The following ATAD2B variants were observed in gnomAD, a reference collection of about 807,000 sequenced individuals.
ATAD2B encodes the protein ATPase family AAA domain containing 2B.
Under a neutral mutation model 167.6 loss-of-function variants are expected in ATAD2B, and 40 were observed. That is an observed-to-expected ratio of 0.24 (90% confidence interval 0.19 to 0.31). The LOEUF (loss-of-function observed/expected upper bound fraction) is 0.31, where lower values mean the gene tolerates loss of function less well. Among genes scored for constraint, ATAD2B ranks in the 10% least tolerant of loss-of-function variants. The probability of loss-of-function intolerance (pLI) is 1.00; values close to 1 mark genes in which losing one functional copy is unlikely to be tolerated. For missense variants in ATAD2B, 1,242 were observed against 1,757.2 expected (o/e 0.71, Z 5.24); for synonymous variants, 579 against 596.5 (o/e 0.97, Z 0.43).
the ATAD2B span, among the ~76,000 whole-genome samples, chr2:23,688,008 C>G: frequency 6.6e-6 from 1 of 152,138 alleles, no homozygotes; most frequent in Non-Finnish European, 1.5e-5. Context: ...AGAAGGGTCC[C>G]GGCAAAGTCC....
At chr2:23,739,646 A>G in the ATAD2B span, among the ~76,000 whole-genome samples, 6 of 152,120 alleles carry the variant, frequency 3.9e-5, no homozygotes, top group Non-Finnish European at 8.8e-5. Context: ...AAGAACTAGA[A>G]AAGCGAGAGC....
the ATAD2B span, chr2:23,691,175 G>A: frequency 6.2e-6 from 1 of 160,726 alleles, no homozygotes; most frequent in Non-Finnish European, 1.4e-5. Context: ...GGGTTCTGGG[G>A]CAACTTGGGG....
At chr2:23,858,926 T>C (rs1380012658) in intron 12 of ATAD2B, among the ~76,000 whole-genome samples, 1 of 152,196 alleles carries the variant, frequency 6.6e-6, no homozygotes, top group Non-Finnish European at 1.5e-5. Context: ...AGTAAATAAA[T>C]AACTGTATTT....
At position 23,895,899 on chromosome 2, in the gene ATAD2B, A is replaced by G; in HGVS notation, c.288T>C (p.Pro96=). The G allele has an allele frequency of 1.9e-6, 3 of 1,613,596 alleles. No individual in the cohort carries two copies. The highest frequency in any genetic ancestry group is 1.7e-4 in the Middle Eastern group (1 of 6,060). The change falls in exon 2 of 28, where the codon CCT becomes CCC. Residue 96 remains proline (P), a synonymous_variant. Transcript: ENST00000238789. ...TTGATTTGTCTTTGCAAACAGAATC[A>G]GGTTGTTTCAAAGTGCGTTTGGCTG... The part of the protein sequence containing the change: ...SPPAKRTLKQ[P]DSVCKDKSKS...
At position 23,828,882 on chromosome 2, in the gene ATAD2B, C is replaced by G. The variant is rs751054071; in HGVS notation, c.1786G>C (p.Ala596Pro). 1 of 1,610,826 alleles carries G rather than the reference C, an allele frequency of 6.2e-7. No homozygotes were observed. Among genetic ancestry groups the G allele is most frequent in the East Asian group, 2.2e-5 (1 of 44,734 alleles). ...TRDWNPKLSD[A>P]FLGELAEKCV... is the part of the protein sequence containing the mutation. ...TTTTCAGCCAATTCACCTAAAAATG[C>G]ATCTGACAATTTTGGATTCCAGTCC... The change falls in exon 15 of 28, where the codon GCA (alanine) becomes CCA (proline). Residue 596 changes from alanine to proline, a missense_variant. By Grantham distance (27) the Ala-to-Pro change is conservative. Coordinates refer to ENST00000238789, the MANE Select transcript of ATAD2B (RefSeq NM_017552.4).
intron 1 of ATAD2B, among the ~76,000 whole-genome samples, chr2:23,911,437 C>T (rs900654570): frequency 6.6e-6 from 1 of 151,712 alleles, no homozygotes; most frequent in African/African-American, 2.4e-5. Flanking sequence ...TGCTTGTAGT[C>T]CCAGCTACTT....
At chr2:23,828,962 A>G (rs1265860153) in intron 14 of ATAD2B, 23 bp from the exon 15 acceptor site, 2 of 1,488,760 alleles carry the variant, frequency 1.3e-6, no homozygotes. Context: ...GCACAGATAC[A>G]TAAAATCTTG....
intron 1 of ATAD2B, among the ~76,000 whole-genome samples, chr2:23,916,798 C>T (rs139367665): frequency 6.6e-6 from 1 of 152,276 alleles, no homozygotes; most frequent in East Asian, 1.9e-4. Context: ...AAAACCCACA[C>T]AGGAAGTGAG....
intron 17 of ATAD2B, 66 bp from the exon 18 acceptor site, chr2:23,810,568 G>T: frequency 7.4e-7 from 1 of 1,359,338 alleles, no homozygotes; most frequent in Non-Finnish European, 1.0e-6. Flanking sequence ...TGAAATATCA[G>T]GCAAAATTTT....
At chr2:23,797,685 A>C (rs1682835506) in intron 19 of ATAD2B, among the ~76,000 whole-genome samples, 1 of 152,160 alleles carries the variant, frequency 6.6e-6, no homozygotes, top group Non-Finnish European at 1.5e-5. Context: ...TCTAAACAAA[A>C]TTCATTTAAG....
chr2:23,874,805 C>T (rs573754505), intron 8 of ATAD2B, among the ~76,000 whole-genome samples: 9 of 152,204 alleles, frequency 5.9e-5, no homozygotes, highest in African/African-American at 1.7e-4. Context: ...GACTGCAATG[C>T]CAGCACTTTG....
intron 13 of ATAD2B, among the ~76,000 whole-genome samples, chr2:23,852,325 A>G (rs1400537485): frequency 6.6e-6 from 1 of 151,922 alleles, no homozygotes; most frequent in Non-Finnish European, 1.5e-5. Context: ...GGGTCTCACT[A>G]TGTTGCCCAG....
At chr2:23,862,891 A>C (rs1226452483) in intron 12 of ATAD2B, among the ~76,000 whole-genome samples, 4 of 152,170 alleles carry the variant, frequency 2.6e-5, no homozygotes, top group African/African-American at 9.7e-5. Flanking sequence ...CCACCTCAAT[A>C]AATGTTTTAT....
chr2:23,877,021 C>T (rs903912060), intron 7 of ATAD2B, among the ~76,000 whole-genome samples: 4 of 144,392 alleles, frequency 2.8e-5, no homozygotes, highest in South Asian at 2.2e-4. Context: ...GAGCCAAGAT[C>T]GTGCCACTGA....
intron 13 of ATAD2B, among the ~76,000 whole-genome samples, chr2:23,836,225 G>A (rs563697332): frequency 2.0e-5 from 3 of 152,328 alleles, no homozygotes; most frequent in African/African-American, 4.8e-5. Flanking sequence ...CTGCACCGGG[G>A]CGGGCAGCTC....
intron 1 of ATAD2B, among the ~76,000 whole-genome samples, chr2:23,920,313 C>T (rs925569920): frequency 1.3e-5 from 2 of 152,226 alleles, no homozygotes; most frequent in Admixed American, 1.3e-4. Flanking sequence ...TCTTACCACA[C>T]TAAGTATCCA....
chr2:23,922,273 T>C (rs1210226315), intron 1 of ATAD2B, among the ~76,000 whole-genome samples: 3 of 152,162 alleles, frequency 2.0e-5, no homozygotes, highest in African/African-American at 7.2e-5. Context: ...AATACAGTAT[T>C]AGATTGTTTA....
intron 22 of ATAD2B, among the ~76,000 whole-genome samples, chr2:23,782,484 G>T (rs561317500): frequency 6.6e-6 from 1 of 152,058 alleles, no homozygotes; most frequent in Non-Finnish European, 1.5e-5. Context: ...TCTACATAAA[G>T]AACAGATAAC....
chr2:23,706,731 T>C, the ATAD2B span: 2 of 1,216,008 alleles, frequency 1.6e-6, no homozygotes, highest in Admixed American at 3.2e-5. Flanking sequence ...GCAATGATAA[T>C]TTTCCAGCGA....
Sources: allele counts gnomAD v4.1 joint callset (sites outside exome capture counted in the v4.1 genomes callset), GRCh38; gene constraint gnomAD v4.1.1; transcripts MANE v1.5; gene names NCBI Gene and HGNC (gene_info 2026-07-23, HGNC 2026-07-21).